The following MUC15 variants were observed in gnomAD, a reference collection of about 807,000 sequenced individuals.
MUC15 encodes mucin-15.
In MUC15, 23 loss-of-function variants were observed where a neutral mutation model predicts 24.0. The ratio of observed to expected loss-of-function variants is 0.96; its 90% CI spans 0.69 to 1.36. The LOEUF is 1.36. MUC15 is among the 40% of genes most tolerant of loss of function. The pLI is 0.00. For missense variants in MUC15, 442 were observed against 428.2 expected (o/e 1.03, Z -0.29); for synonymous variants, 151 against 156.3 (o/e 0.97, Z 0.25).
At position 26,561,046 on chromosome 11, in the gene MUC15, C is replaced by A; in HGVS notation, c.*19G>T. 6.3e-7 allele frequency: 1 copy of A among 1,596,398 alleles called. No individual in the cohort carries two copies. Among genetic ancestry groups the A allele is most frequent in the Non-Finnish European group, 8.5e-7 (1 of 1,172,034 alleles). On this transcript the variant is annotated 3_prime_UTR_variant, in exon 5 of 5. Transcript: ENST00000529533. ...GATGTAGATGACACTTGCTGTTTAA[C>A]GCCTTTTTGCTGTTAGTTCTATACA...
intron 1 of MUC15, among the ~76,000 whole-genome samples, chr11:26,571,023 C>A (rs558224615): frequency 6.6e-6 from 1 of 151,840 alleles, no homozygotes; most frequent in Non-Finnish European, 1.5e-5. Flanking sequence ...AAGAAAAAAA[C>A]AAATTTCAGA....
chr11:26,565,900 A>G lies in MUC15; in HGVS notation c.44-4T>C, dbSNP rs1423524596. 6.4e-7 allele frequency: 1 copy of G among 1,568,550 alleles called. No individual in the cohort carries two copies. The highest frequency in any genetic ancestry group is 8.6e-7 in the Non-Finnish European group (1 of 1,165,814). ...ATTGGTTTTTTTTTAAAGGAATCTGAAAGAAAATAACCATAATTTGAATTC... is the reference window on the plus strand; with the variant it reads ...ATTGGTTTTTTTTTAAAGGAATCTGGAAGAAAATAACCATAATTTGAATTC... On this transcript the variant is annotated splice_polypyrimidine_tract_variant and splice_region_variant and intron_variant, in intron 2 of 4. Coordinates refer to ENST00000529533, the MANE Select transcript of MUC15 (RefSeq NM_001135091.2).
chr11:26,562,494 A>G (rs1850333525), intron 4 of MUC15, among the ~76,000 whole-genome samples: 1 of 151,972 alleles, frequency 6.6e-6, no homozygotes, highest in Admixed American at 6.6e-5. Flanking sequence ...TTGATATTAT[A>G]TTATTAAAGC....
rs778555157 is a variant in MUC15 at position 26,565,523 on chromosome 11, C to G, written c.417G>C (p.Leu139Phe). 1 of 1,613,232 alleles carries G rather than the reference C, an allele frequency of 6.2e-7. No homozygotes were observed. Among genetic ancestry groups the G allele is most frequent in the Non-Finnish European group, 8.5e-7 (1 of 1,179,496 alleles). ...GCACTTTAGAAACAAAGCTATGGATCAAGGGAGGGCTTGTGGAAATGGTAG... is the reference window on the plus strand; with the variant it reads ...GCACTTTAGAAACAAAGCTATGGATGAAGGGAGGGCTTGTGGAAATGGTAG... ...PTSTISTSPP[L>F]IHSFVSKVPW... Residue 139 changes from leucine to phenylalanine, a missense_variant, in exon 3 of 5, where the codon TTG (leucine) becomes TTC (phenylalanine). Leu to Phe is a conservative substitution (Grantham distance 22, BLOSUM62 0). Transcript: ENST00000529533.
rs1408922533 is a variant in MUC15, at chr11:26,560,872, C to T, written c.*193G>A. 2.0e-6 allele frequency: 1 copy of T among 508,616 alleles called. No homozygotes were observed. Among genetic ancestry groups the T allele is most frequent in the Non-Finnish European group, 3.3e-6 (1 of 299,878 alleles). 31.5% of individuals were successfully genotyped at this position (508,616 alleles called of 1,614,324 possible). On this transcript the variant is annotated 3_prime_UTR_variant, in exon 5 of 5. Transcript: ENST00000529533. The stretch of plus-strand genomic sequence containing the variant: ...CTACTTAGTAAATGCCTCAGGATGG[C>T]CAAAAATTGTAAGAAAGAAAACCTT...
rs921039011 is a variant in MUC15 at position 26,563,407 on chromosome 11, G to C, written c.776-142C>G. 355 of 586,728 alleles carry C rather than the reference G, an allele frequency of 6.1e-4. 1 individual carries two copies. The highest frequency in any genetic ancestry group is 4.6e-3 in the African/African-American group (234 of 50,572). 36.3% of individuals were successfully genotyped at this position (586,728 alleles called of 1,614,324 possible). On this transcript the variant is annotated intron_variant, in intron 3 of 4. Coordinates refer to ENST00000529533, the MANE Select transcript of MUC15 (RefSeq NM_001135091.2). Reference sequence around the variant, plus strand: ...TGTGTTTCTCTCTCTGTGTGTGTGTGTGTGTGTGTGTGTGTGTGTGTGTGT... The same window carrying C: ...TGTGTTTCTCTCTCTGTGTGTGTGTCTGTGTGTGTGTGTGTGTGTGTGTGT...
At chr11:26,570,262 T>G (rs1032362465) in intron 1 of MUC15, among the ~76,000 whole-genome samples, 1 of 152,038 alleles carries the variant, frequency 6.6e-6, no homozygotes, top group Non-Finnish European at 1.5e-5. Flanking sequence ...TGGAAAGTGG[T>G]TTCACATTAT....
chr11:26,569,014 A>G (rs114272274), intron 1 of MUC15, among the ~76,000 whole-genome samples: 139 of 151,944 alleles, frequency 9.1e-4, no homozygotes, highest in Middle Eastern at 3.4e-3. Flanking sequence ...CAGTGGGGGG[A>G]AAAATGTCCT....
chr11:26,571,817 T>TA (rs1361359934), intron 1 of MUC15, among the ~76,000 whole-genome samples: 1 of 152,146 alleles, frequency 6.6e-6, no homozygotes, highest in African/African-American at 2.4e-5. Flanking sequence ...AATTTGGCAG[T>TA]AATTTTTAAA....
At position 26,559,853 on chromosome 11, in the gene MUC15, C is replaced by CAT; in HGVS notation, c.*1211_*1212insAT. ...TCTGTGTTACACACACACACACACA[C>CAT]ACACACACACACACACACACACCAT... On this transcript the variant is annotated 3_prime_UTR_variant, in exon 5 of 5. Coordinates refer to ENST00000529533, the MANE Select transcript of MUC15 (RefSeq NM_001135091.2). 1.2e-6 allele frequency: 1 copy of CAT among 805,992 alleles called. No individual in the cohort carries two copies. The highest frequency in any genetic ancestry group is 2.0e-6 in the Non-Finnish European group (1 of 488,662). 49.9% of individuals were successfully genotyped at this position (805,992 alleles called of 1,614,324 possible).
intron 4 of MUC15, among the ~76,000 whole-genome samples, chr11:26,561,929 C>T (rs1228273192): frequency 6.6e-6 from 1 of 151,888 alleles, no homozygotes; most frequent in Non-Finnish European, 1.5e-5. Context: ...ACTTAGGTAT[C>T]ATCATTTGCT....
intron 4 of MUC15, among the ~76,000 whole-genome samples, chr11:26,561,689 G>A (rs549781792): frequency 6.6e-6 from 1 of 152,004 alleles, no homozygotes. Context: ...TAAGGTGGAG[G>A]AGATAAAAAA....
At chr11:26,570,902 G>A (rs1028097117) in intron 1 of MUC15, among the ~76,000 whole-genome samples, 50 of 152,192 alleles carry the variant, frequency 3.3e-4, no homozygotes, top group African/African-American at 1.2e-3. Flanking sequence ...GGTTTTGGAA[G>A]CGTAACCAAC....
intron 1 of MUC15, 31 bp downstream of exon 1, chr11:26,572,010 G>A (rs1463428724): frequency 4.2e-5 from 35 of 843,084 alleles, no homozygotes; most frequent in South Asian, 2.2e-4. Context: ...GAGAGAAAGC[G>A]AGAGACCTAA....
rs188510822 is a variant in MUC15 at position 26,571,547 on chromosome 11, T to G, written c.-46+494A>C. ...ATCTTTGAAAAAGATTTATAGAAGC[T>G]TCTAATCTATTTTATTAGAAGATTT... On this transcript the variant is annotated intron_variant, in intron 1 of 4. Coordinates refer to ENST00000529533, the MANE Select transcript of MUC15 (RefSeq NM_001135091.2). Among the ~76,000 whole-genome samples, 44 of 152,202 alleles carry G rather than the reference T, an allele frequency of 2.9e-4. No individual in the cohort carries two copies. The East Asian group carries it at 8.5e-3, about 29-fold the overall frequency.
At position 26,565,793 on chromosome 11, in the gene MUC15, A is replaced by T; in HGVS notation, c.147T>A (p.His49Gln). 6.2e-7 allele frequency: 1 copy of T among 1,613,194 alleles called. No individual in the cohort carries two copies. The highest frequency in any genetic ancestry group is 1.7e-4 in the Middle Eastern group (1 of 6,054). ...TLFYSLLSGSHGKENQDINTT... is the reference protein window; with the variant it reads ...TLFYSLLSGSQGKENQDINTT... The stretch of plus-strand genomic sequence containing the variant: ...TGTTTATGTCTTGATTTTCTTTTCC[A>T]TGGCTCCCCGATAGAAGTGAATAAA... Residue 49 changes from histidine (H) to glutamine (Q), a missense_variant, in exon 3 of 5, where the codon CAT becomes CAA. Coordinates refer to ENST00000529533, the MANE Select transcript of MUC15 (RefSeq NM_001135091.2).
In MUC15 at chr11:26,565,333, T is replaced by G. The variant is rs201972788; in HGVS notation, c.607A>C (p.Thr203Pro). The G allele has an allele frequency of 6.2e-7, 1 of 1,611,256 alleles. No individual in the cohort carries two copies. Among genetic ancestry groups the G allele is most frequent in the Admixed American group, 1.7e-5 (1 of 59,742 alleles). Residue 203 changes from threonine (T) to proline (P), a missense_variant, in exon 3 of 5, where the codon ACT becomes CCT. Physicochemically the swap from Thr to Pro is conservative, Grantham distance 38 (BLOSUM62 -1). Transcript: ENST00000529533. ...ITVSILSSEP[T>P]SPSVTPLIVE... ...ATCAAGGGGGTCACAGATGGAGAAG[T>G]TGGTTCTGAAGAGAGGATGCTAACT...
At chr11:26,562,086 T>G (rs1850316376) in intron 4 of MUC15, among the ~76,000 whole-genome samples, 1 of 151,878 alleles carries the variant, frequency 6.6e-6, no homozygotes, top group Non-Finnish European at 1.5e-5. Context: ...CACAGCAGTT[T>G]AGATTGTATC....
At chr11:26,565,123 T>C in intron 3 of MUC15, 42 bp downstream of exon 3, 1 of 1,484,170 alleles carries the variant, frequency 6.7e-7, no homozygotes, top group Non-Finnish European at 9.0e-7. Flanking sequence ...ATTTGGAATT[T>C]CAGTTTCACA....
Sources: gnomAD v4.1 joint callset for allele counts (sites outside exome capture counted in the v4.1 genomes callset) on GRCh38, gnomAD v4.1.1 for gene constraint, MANE v1.5 for transcripts, NCBI Gene and HGNC (gene_info 2026-07-23, HGNC 2026-07-21) for gene names.